Variants in NUP93 observed in about 807,000 individuals in gnomAD.
NUP93 encodes nucleoporin 93.
NUP93 carries 55 observed loss-of-function variants against 107.8 expected under a neutral mutation model. The ratio of observed to expected loss-of-function variants is 0.51; its 90% CI spans 0.41 to 0.64. The LOEUF is 0.64. Ranked by LOEUF, NUP93 falls within the 30% of genes least tolerant of loss-of-function variation. The probability of loss-of-function intolerance (pLI) is 0.00; values close to 1 mark genes in which losing one functional copy is unlikely to be tolerated. For synonymous variants in NUP93, 390 were observed against 397.5 expected, an observed-to-expected ratio of 0.98 and a Z score of 0.22; for missense variants, 937 against 1,044.7, an observed-to-expected ratio of 0.90 and a Z score of 1.42.
rs1293467878 is a variant in NUP93, at chr16:56,830,648, AC to A, written c.1050del (p.Trp351GlyfsTer6). 6.2e-7 allele frequency: 1 copy of A among 1,604,582 alleles called. No individual in the cohort carries two copies. Among genetic ancestry groups the A allele is most frequent in the Non-Finnish European group, 8.5e-7 (1 of 1,172,432 alleles). On this transcript the variant is annotated frameshift_variant, in exon 10 of 22. Transcript: ENST00000308159. LOFTEE classifies it high-confidence loss of function. ...RAQHQLGEFKTWFQEYMNSKD... is the reference protein window; with the variant it reads ...RAQHQLGEFKXWFQEYMNSKD... Reference sequence around the variant, plus strand: ...CCAGCACCAGCTGGGAGAGTTTAAAACCTGGTTCCAGGAGTACATGAACAGC... The same window carrying A: ...CCAGCACCAGCTGGGAGAGTTTAAAACTGGTTCCAGGAGTACATGAACAGC...
intron 3 of NUP93, chr16:56,783,653 G>C: frequency 1.0e-6 from 1 of 985,358 alleles, no homozygotes; most frequent in Non-Finnish European, 1.2e-6. Context: ...TTAATGTATG[G>C]AAAATGTCTC....
In NUP93 at chr16:56,844,648, A is replaced by G; in HGVS notation, c.*39A>G. On this transcript the variant is annotated 3_prime_UTR_variant, in exon 22 of 22. Transcript: ENST00000308159. ...TGGGAGTCTGGGTCGGCACACTGTCAGTACATCAGGCACATGGGCCCACTA... is the reference window on the plus strand; with the variant it reads ...TGGGAGTCTGGGTCGGCACACTGTCGGTACATCAGGCACATGGGCCCACTA... 2 of 1,392,146 alleles carry G rather than the reference A, an allele frequency of 1.4e-6. No individual in the cohort carries two copies. The highest frequency in any genetic ancestry group is 1.4e-5 in the African/African-American group (1 of 69,116). The allele number at this position is 1,392,146 out of a possible 1,614,324, so 86.2% of individuals were successfully genotyped here.
Position 56,756,824 on chromosome 16 carries a change from T to A in NUP93, c.180-1714T>A, listed in dbSNP as rs1195495929. On this transcript the variant is annotated intron_variant, in intron 2 of 21. Transcript: ENST00000308159. ...CATCTATTATTTCCTGACTTTTTAA[T>A]AATCGCCATTCTGATTGGCATGAGA... 3.3e-5 allele frequency among the ~76,000 whole-genome samples: 5 copies of A among 152,350 alleles called. 1 individual carries two copies. In the South Asian group the frequency reaches 1.0e-3, roughly 32 times the overall value.
chr16:56,774,154 C>T lies in NUP93; in HGVS notation c.297+15499C>T, dbSNP rs1456339586. Among the ~76,000 whole-genome samples, 6 of 152,206 alleles carry T rather than the reference C, an allele frequency of 3.9e-5. No individual in the cohort carries two copies. In the East Asian group the frequency reaches 5.8e-4, roughly 15 times the overall value. ...GAAGTGGGAGGATTAATAATCCCAT[C>T]TTAGTTAATCATCATTATCCTCTCT... is the stretch of plus-strand genomic sequence containing the variant. On this transcript the variant is annotated intron_variant, in intron 3 of 21. Transcript: ENST00000308159.
At chr16:56,810,637 T>A (rs1963293175) in intron 5 of NUP93, among the ~76,000 whole-genome samples, 1 of 152,110 alleles carries the variant, frequency 6.6e-6, no homozygotes, top group South Asian at 2.1e-4. Context: ...ACAGTGAGAC[T>A]CTGTCTCAAA....
At position 56,828,979 on chromosome 16, in the gene NUP93, A is replaced by G. The variant is rs760807047; in HGVS notation, c.797A>G (p.Tyr266Cys). 3 of 1,612,750 alleles carry G rather than the reference A, an allele frequency of 1.9e-6. No homozygotes were observed. In the Admixed American group the frequency reaches 5.0e-5, roughly 27 times the overall value. The change falls in exon 9 of 22, where the codon TAT becomes TGT. Residue 266 changes from tyrosine (Y) to cysteine (C), a missense_variant and splice_region_variant. Transcript: ENST00000308159. Reference protein sequence around the residue: ...RQALAYLEQSYKNYTLVTVFG... With the variant: ...RQALAYLEQSCKNYTLVTVFG... Reference sequence around the variant, plus strand: ...TTTTTCCTTTAAAATTTTTCCAGTTATAAGAATTACACCCTTGTGACTGTC... The same window carrying G: ...TTTTTCCTTTAAAATTTTTCCAGTTGTAAGAATTACACCCTTGTGACTGTC...
At chr16:56,822,273 AG>A (rs571025835) in intron 7 of NUP93, among the ~76,000 whole-genome samples, 75 of 151,888 alleles carry the variant, frequency 4.9e-4, no homozygotes, top group African/African-American at 1.7e-3. Flanking sequence ...GCACGTTTTG[AG>A]GCTGAGGTGG....
At chr16:56,838,293 T>C (rs1224354239) in intron 18 of NUP93, among the ~76,000 whole-genome samples, 1 of 152,146 alleles carries the variant, frequency 6.6e-6, no homozygotes, top group African/African-American at 2.4e-5. Context: ...AAAAGAACAT[T>C]CTTTGGTAAA....
In NUP93 at chr16:56,834,220, C is replaced by T; in HGVS notation, c.1630C>T (p.Pro544Ser). The T allele has an allele frequency of 6.2e-7, 1 of 1,614,098 alleles. No individual in the cohort carries two copies. Among genetic ancestry groups the T allele is most frequent in the Non-Finnish European group, 8.5e-7 (1 of 1,180,016 alleles). ...CACCCGGAAGTTTGAGTCCACGGAC[C>T]CAAGGGAGGCCCTCCAGTACTTCTA... is the stretch of plus-strand genomic sequence containing the variant. ...LYTRKFESTDPREALQYFYFL... is the reference protein window; with the variant it reads ...LYTRKFESTDSREALQYFYFL... Residue 544 changes from proline (P) to serine (S), a missense_variant, in exon 14 of 22, where the codon CCA becomes TCA. Physicochemically the swap from Pro to Ser is moderately conservative, Grantham distance 74 (BLOSUM62 -1). Transcript: ENST00000308159.
intron 4 of NUP93, among the ~76,000 whole-genome samples, chr16:56,802,905 A>C (rs376472406): frequency 4.6e-5 from 7 of 152,276 alleles, no homozygotes; most frequent in Admixed American, 1.3e-4. Context: ...GTCATAATTC[A>C]ATCTATCTAT....
intron 2 of NUP93, among the ~76,000 whole-genome samples, chr16:56,752,848 A>G (rs1961948636): frequency 1.3e-5 from 2 of 152,218 alleles, no homozygotes; most frequent in African/African-American, 4.8e-5. Context: ...AAATAAACCC[A>G]TGTGTCTGTG....
At chr16:56,735,150 G>C (rs1230735354) in intron 1 of NUP93, among the ~76,000 whole-genome samples, 1 of 152,230 alleles carries the variant, frequency 6.6e-6, no homozygotes, top group Non-Finnish European at 1.5e-5. Flanking sequence ...TGTGTATTGA[G>C]GAAGACCATT....
rs2241770 is a variant in NUP93, at chr16:56,832,284, T to C, written c.1252-11T>C. 157,388 of 1,611,554 alleles carry C rather than the reference T, an allele frequency of 0.098. 8,016 individuals carry two copies. Among genetic ancestry groups the C allele is most frequent in the East Asian group, 0.16 (6,956 of 44,866 alleles). On this transcript the variant is annotated splice_polypyrimidine_tract_variant and intron_variant, in intron 11 of 21. Coordinates refer to ENST00000308159, the MANE Select transcript of NUP93 (RefSeq NM_014669.5). ...TTTGTACCAATGCATGTGTTTCTCTTGGGGATTTAGTTGAACCAAGTGTGT... is the reference window on the plus strand; with the variant it reads ...TTTGTACCAATGCATGTGTTTCTCTCGGGGATTTAGTTGAACCAAGTGTGT...
chr16:56,732,189 A>T (rs1352618289), intron 1 of NUP93, among the ~76,000 whole-genome samples: 2 of 152,136 alleles, frequency 1.3e-5, no homozygotes, highest in Non-Finnish European at 2.9e-5. Context: ...CTTAGCACTT[A>T]TATTTCACGT....
chr16:56,760,980 C>G (rs1962116716), intron 3 of NUP93, among the ~76,000 whole-genome samples: 1 of 151,984 alleles, frequency 6.6e-6, no homozygotes, highest in African/African-American at 2.4e-5. Flanking sequence ...AAAAAAAACC[C>G]AGAAACAACT....
chr16:56,730,263 C>T (rs943359577), intron 1 of NUP93, 52 bp downstream of exon 1: 4 of 152,378 alleles, frequency 2.6e-5, no homozygotes, highest in African/African-American at 9.7e-5. Context: ...TCCTTGAACC[C>T]AGGACCCCGT....
intron 19 of NUP93, 58 bp from the exon 20 acceptor site, chr16:56,839,463 G>A: frequency 7.2e-7 from 1 of 1,394,398 alleles, no homozygotes; most frequent in East Asian, 2.3e-5. Flanking sequence ...TTTACATGTA[G>A]AGAGATGAAA....
At chr16:56,820,952 G>A (rs1963529860) in intron 6 of NUP93, among the ~76,000 whole-genome samples, 1 of 152,098 alleles carries the variant, frequency 6.6e-6, no homozygotes. Flanking sequence ...AGTAAGAGTG[G>A]CTTTCCCATA....
chr16:56,763,455 G>A lies in NUP93; in HGVS notation c.297+4800G>A, dbSNP rs140362398. ...TAACTATAGATAGGATTAAATTTTG[G>A]CATTTTTCCAAGGTAGAAGGAACTG... On this transcript the variant is annotated intron_variant, in intron 3 of 21. Coordinates refer to ENST00000308159, the MANE Select transcript of NUP93 (RefSeq NM_014669.5). Among the ~76,000 whole-genome samples the A allele has an allele frequency of 2.3e-3, 351 of 151,976 alleles. 2 individuals are homozygous for A. The highest frequency in any genetic ancestry group is 7.9e-3 in the African/African-American group (328 of 41,472).
Sources: gnomAD v4.1 joint callset for allele counts (sites outside exome capture counted in the v4.1 genomes callset) on GRCh38, gnomAD v4.1.1 for gene constraint, MANE v1.5 for transcripts, NCBI Gene and HGNC (gene_info 2026-07-23, HGNC 2026-07-21) for gene names.